Variants in HEMK2 observed in about 807,000 individuals in gnomAD.
HEMK2 encodes HemK methyltransferase 2, ETF1 glutamine and histone H4 lysine.
At chr21:28,809,811 A>G in the HEMK2 span, among the ~76,000 whole-genome samples, 13 of 152,352 alleles carry the variant, frequency 8.5e-5, no homozygotes, top group Admixed American at 7.2e-4. Flanking sequence ...AGTAGAATTC[A>G]TAGACAGTTG....
the HEMK2 span, among the ~76,000 whole-genome samples, chr21:28,726,031 T>TA: frequency 9.1e-4 from 138 of 152,322 alleles, 1 homozygote; most frequent in Admixed American, 5.2e-4. Context: ...TCTTGTTTTA[T>TA]AATGTTCCTT....
At chr21:28,833,326 T>C in the HEMK2 span, among the ~76,000 whole-genome samples, 6 of 152,370 alleles carry the variant, frequency 3.9e-5, no homozygotes, top group African/African-American at 1.2e-4. Context: ...GCTCCAGAGA[T>C]GTGATGTGGA....
At chr21:28,746,118 T>C in the HEMK2 span, among the ~76,000 whole-genome samples, 2 of 152,174 alleles carry the variant, frequency 1.3e-5, no homozygotes, top group African/African-American at 4.8e-5. Flanking sequence ...GTGTAAGTAA[T>C]AAAAACTGAT....
chr21:28,680,473 C>T, the HEMK2 span, among the ~76,000 whole-genome samples: 7 of 152,116 alleles, frequency 4.6e-5, no homozygotes, highest in Non-Finnish European at 8.8e-5. Flanking sequence ...GTCAGAGGTA[C>T]AAGGAGGAGC....
the HEMK2 span, chr21:28,878,373 T>A: frequency 6.2e-7 from 1 of 1,607,580 alleles, no homozygotes; most frequent in Non-Finnish European, 8.5e-7. Context: ...TTAACTCAAG[T>A]TTGATTTAGA....
the HEMK2 span, among the ~76,000 whole-genome samples, chr21:28,737,572 T>C: frequency 1.3e-5 from 2 of 151,188 alleles, no homozygotes; most frequent in East Asian, 3.9e-4. Flanking sequence ...TTTTCAGAGC[T>C]TAATTAGTCC....
At chr21:28,735,964 T>C in the HEMK2 span, among the ~76,000 whole-genome samples, 9 of 152,208 alleles carry the variant, frequency 5.9e-5, no homozygotes, top group Non-Finnish European at 1.2e-4. Context: ...GACCGGCTCA[T>C]TGGCCCTTCT....
chr21:28,694,549 C>T, the HEMK2 span, among the ~76,000 whole-genome samples: 1 of 152,300 alleles, frequency 6.6e-6, no homozygotes, highest in Middle Eastern at 3.4e-3. Context: ...ACTACACTAT[C>T]CTCTTTCTTC....
At chr21:28,723,176 ATTT>A in the HEMK2 span, among the ~76,000 whole-genome samples, 1 of 148,912 alleles carries the variant, frequency 6.7e-6, no homozygotes, top group African/African-American at 2.5e-5. Context: ...TGACCAGCTA[ATTT>A]TTTTTTATTT....
the HEMK2 span, among the ~76,000 whole-genome samples, chr21:28,831,598 GGAAA>G: frequency 1.4e-4 from 9 of 64,804 alleles, 1 homozygote; most frequent in African/African-American, 1.9e-4. Context: ...AAGGAAAGAA[GGAAA>G]GAAGGAAAGA....
At chr21:28,719,971 A>G in the HEMK2 span, among the ~76,000 whole-genome samples, 3 of 152,338 alleles carry the variant, frequency 2.0e-5, no homozygotes, top group Non-Finnish European at 4.4e-5. Flanking sequence ...TTCTTGTTTC[A>G]GTGGACATAC....
chr21:28,853,303 C>G, the HEMK2 span, among the ~76,000 whole-genome samples: 7 of 152,184 alleles, frequency 4.6e-5, no homozygotes, highest in Non-Finnish European at 1.0e-4. Flanking sequence ...GCTAACCAAG[C>G]AAATAAACTA....
chr21:28,831,634 GGAAA>G, the HEMK2 span, among the ~76,000 whole-genome samples: 321 of 36,342 alleles, frequency 8.8e-3, 7 homozygotes, highest in Middle Eastern at 0.012. Context: ...AAAGAAGGAA[GGAAA>G]GAAAGAAAGA....
At chr21:28,752,676 C>T in the HEMK2 span, among the ~76,000 whole-genome samples, 4 of 152,232 alleles carry the variant, frequency 2.6e-5, no homozygotes, top group Non-Finnish European at 1.5e-5. Context: ...TCAACTCAGT[C>T]TTTTCCCAGC....
chr21:28,578,621 T>C, the HEMK2 span, among the ~76,000 whole-genome samples: 6 of 152,226 alleles, frequency 3.9e-5, no homozygotes, highest in East Asian at 3.9e-4. Flanking sequence ...GAGGATCACA[T>C]TGGCTCATTT....
the HEMK2 span, among the ~76,000 whole-genome samples, chr21:28,880,464 G>C: frequency 7.5e-4 from 114 of 152,302 alleles, no homozygotes; most frequent in African/African-American, 2.6e-3. Context: ...AGGCACACTG[G>C]CTCATGCCTG....
the HEMK2 span, among the ~76,000 whole-genome samples, chr21:28,719,769 C>G: frequency 2.0e-5 from 3 of 152,204 alleles, no homozygotes; most frequent in Non-Finnish European, 2.9e-5. Context: ...GAAAGCATCT[C>G]TTAACATGCA....
the HEMK2 span, among the ~76,000 whole-genome samples, chr21:28,660,890 G>C: frequency 2.0e-5 from 3 of 152,044 alleles, no homozygotes; most frequent in Non-Finnish European, 4.4e-5. Context: ...TTTGAACGAA[G>C]TATTCAAATA....
the HEMK2 span, among the ~76,000 whole-genome samples, chr21:28,784,063 C>T: frequency 2.0e-5 from 3 of 152,198 alleles, no homozygotes; most frequent in African/African-American, 7.2e-5. Flanking sequence ...TCCTGTGTGG[C>T]CTGAGCCTCC....
Sources: gnomAD v4.1 joint callset for allele counts (sites outside exome capture counted in the v4.1 genomes callset) on GRCh38, gnomAD v4.1.1 for gene constraint, MANE v1.5 for transcripts, NCBI Gene and HGNC (gene_info 2026-07-23, HGNC 2026-07-21) for gene names.